The following EPSTI1 variants were observed in gnomAD, a reference collection of about 807,000 sequenced individuals.
EPSTI1 encodes the protein epithelial-stromal interaction protein 1.
A neutral mutation model predicts 49.9 loss-of-function variants in EPSTI1; 66 were observed. The ratio of observed to expected loss-of-function variants is 1.32; its 90% CI spans 1.08 to 1.62. EPSTI1 has a LOEUF of 1.62. EPSTI1 is among the 40% of genes most tolerant of loss of function. The pLI, the probability that EPSTI1 is intolerant of heterozygous loss-of-function variation, is 0.00. For synonymous variants in EPSTI1, 137 were observed against 130.7 expected, an observed-to-expected ratio of 1.05 and a Z score of -0.33; for missense variants, 394 against 365.5, an observed-to-expected ratio of 1.08 and a Z score of -0.64.
intron 5 of EPSTI1, among the ~76,000 whole-genome samples, chr13:42,960,516 T>A (rs978480107): frequency 6.6e-6 from 1 of 152,222 alleles, no homozygotes; most frequent in Non-Finnish European, 1.5e-5. Flanking sequence ...GAAAAGAAAT[T>A]AATGCATCAT....
intron 1 of EPSTI1, among the ~76,000 whole-genome samples, chr13:42,987,295 G>A (rs543464969): frequency 6.6e-6 from 1 of 152,060 alleles, no homozygotes; most frequent in Non-Finnish European, 1.5e-5. Context: ...TGAACTGTGG[G>A]ACACCTAGTT....
intron 9 of EPSTI1, 52 bp downstream of exon 9, chr13:42,900,258 T>G: frequency 6.6e-7 from 1 of 1,505,046 alleles, no homozygotes; most frequent in Non-Finnish European, 9.2e-7. Context: ...CTGTACAAAC[T>G]TTCTAGGTAA....
At chr13:42,919,351 AG>A in intron 7 of EPSTI1, 1 of 1,612,072 alleles carries the variant, frequency 6.2e-7, no homozygotes, top group South Asian at 1.1e-5. Context: ...AAATAATAGA[AG>A]GGAATAAATT....
At chr13:42,902,713 T>C (rs923788962) in intron 8 of EPSTI1, among the ~76,000 whole-genome samples, 17 of 152,216 alleles carry the variant, frequency 1.1e-4, no homozygotes, top group Non-Finnish European at 2.2e-4. Flanking sequence ...AAACAAAGTA[T>C]TATGTGATAA....
rs183220878 is a variant in EPSTI1 at position 42,951,789 on chromosome 13, T to C, written c.563+2159A>G. On this transcript the variant is annotated intron_variant, in intron 6 of 10. Transcript: ENST00000313624. Reference sequence around the variant, plus strand: ...GTGCCCAAGGCCCCTCACTGTTAAGTAGGTCTTCCCTCTTCCAATGTAAAA... The same window carrying C: ...GTGCCCAAGGCCCCTCACTGTTAAGCAGGTCTTCCCTCTTCCAATGTAAAA... Among the ~76,000 whole-genome samples, 26 of 152,336 alleles carry C rather than the reference T, an allele frequency of 1.7e-4. No individual in the cohort carries two copies. In the East Asian group the frequency reaches 4.2e-3, roughly 25 times the overall value.
At position 42,922,367 on chromosome 13, in the gene EPSTI1, T is replaced by C. The variant is rs185036940; in HGVS notation, c.657+3969A>G. Among the ~76,000 whole-genome samples, 138 of 152,162 alleles carry C rather than the reference T, an allele frequency of 9.1e-4. No individual in the cohort carries two copies. Among genetic ancestry groups the C allele is most frequent in the African/African-American group, 3.2e-3 (132 of 41,522 alleles). On this transcript the variant is annotated intron_variant, in intron 7 of 10. Transcript: ENST00000313624. This position sits in a 1 kb window ranked among gnomAD's most constrained non-coding sequence, Gnocchi z 4.8. ...AGCCTGGATAGTCCAGGTGGGCCCA[T>C]TGTAATCAAAAGGGTCATTATAAGA...
chr13:42,888,172 T>TA lies in EPSTI1; in HGVS notation c.*321dup. On this transcript the variant is annotated 3_prime_UTR_variant, in exon 11 of 11. Coordinates refer to ENST00000313624, the MANE Select transcript of EPSTI1 (RefSeq NM_033255.5). The stretch of plus-strand genomic sequence containing the variant: ...TAGAAAGACAAGCCTGTAGCACCCA[T>TA]AGCTCTGATTAACCTGAAAGCATCA... The TA allele has an allele frequency of 6.6e-7, 1 of 1,517,284 alleles. No individual in the cohort carries two copies. Among genetic ancestry groups the TA allele is most frequent in the Middle Eastern group, 1.9e-4 (1 of 5,286 alleles). 94.0% of individuals were successfully genotyped at this position (1,517,284 alleles called of 1,614,324 possible). A position where few individuals can be genotyped will look rare whatever the true frequency, so the allele number is the denominator to read the frequency against.
At chr13:42,917,650 A>AAAC in intron 7 of EPSTI1, 26 bp from the exon 8 acceptor site, 1 of 1,449,170 alleles carries the variant, frequency 6.9e-7, no homozygotes, top group South Asian at 1.2e-5. Context: ...GAGAAAAAAA[A>AAAC]AAAAAAAAAC....
chr13:42,953,910 G>A (rs979405810), intron 6 of EPSTI1, 38 bp downstream of exon 6: 4 of 1,543,634 alleles, frequency 2.6e-6, no homozygotes, highest in Non-Finnish European at 2.7e-6. Flanking sequence ...TGAACAATCT[G>A]CCTATAAAGG....
At chr13:42,975,677 T>C (rs561240412) in intron 1 of EPSTI1, among the ~76,000 whole-genome samples, 47 of 152,318 alleles carry the variant, frequency 3.1e-4, no homozygotes, top group African/African-American at 1.1e-3. Context: ...GATACATGGT[T>C]TGGTATGTAT....
intron 5 of EPSTI1, among the ~76,000 whole-genome samples, chr13:42,957,514 A>C (rs933838355): frequency 2.6e-5 from 4 of 152,232 alleles, no homozygotes; most frequent in African/African-American, 9.6e-5. Flanking sequence ...TCCCAGAGAC[A>C]TTCAGGAGGT....
At chr13:42,962,353 T>A (rs940482231) in intron 5 of EPSTI1, among the ~76,000 whole-genome samples, 2 of 152,160 alleles carry the variant, frequency 1.3e-5, no homozygotes, top group Non-Finnish European at 2.9e-5. Flanking sequence ...AGGGCCATAT[T>A]TTCAATGGGA....
intron 5 of EPSTI1, among the ~76,000 whole-genome samples, chr13:42,955,239 C>T (rs1475247776): frequency 6.6e-6 from 1 of 152,056 alleles, no homozygotes; most frequent in Non-Finnish European, 1.5e-5. Context: ...CAAAAGTGTT[C>T]AATTGTGATG....
At chr13:42,940,914 A>C (rs931727292) in intron 6 of EPSTI1, among the ~76,000 whole-genome samples, 4 of 152,064 alleles carry the variant, frequency 2.6e-5, no homozygotes, top group African/African-American at 9.7e-5. Flanking sequence ...TAATTTGCCA[A>C]TTTTTGAGTT....
intron 1 of EPSTI1, among the ~76,000 whole-genome samples, chr13:42,975,633 C>T (rs1052742327): frequency 6.6e-6 from 1 of 152,160 alleles, no homozygotes; most frequent in African/African-American, 2.4e-5. Context: ...AAAAAAAGTG[C>T]TGCTTCTTTC....
rs757464834 is a variant in EPSTI1, at chr13:42,953,943, C to G, written c.563+5G>C. 2 of 1,610,014 alleles carry G rather than the reference C, an allele frequency of 1.2e-6. No homozygotes were observed. Among genetic ancestry groups the G allele is most frequent in the East Asian group, 4.5e-5 (2 of 44,852 alleles). ...AGGCACGAAGTTCTGAAAACATTAA[C>G]TTACTATTGCTGATGCTCTCTAAAT... On this transcript the variant is annotated splice_donor_5th_base_variant and intron_variant, in intron 6 of 10. Transcript: ENST00000313624.
chr13:42,990,221 C>T (rs1006792532), intron 1 of EPSTI1, among the ~76,000 whole-genome samples: 8 of 150,196 alleles, frequency 5.3e-5, no homozygotes, highest in African/African-American at 2.0e-4. Context: ...TAACTAAACA[C>T]TTCCTGGTAT....
At chr13:42,982,422 A>G (rs932355065) in intron 1 of EPSTI1, among the ~76,000 whole-genome samples, 2 of 152,248 alleles carry the variant, frequency 1.3e-5, no homozygotes, top group African/African-American at 4.8e-5. Flanking sequence ...TGCTCTGCCT[A>G]TGGAGTAGTC....
At chr13:42,943,702 T>C (rs1463077500) in intron 6 of EPSTI1, among the ~76,000 whole-genome samples, 1 of 152,132 alleles carries the variant, frequency 6.6e-6, no homozygotes, top group Admixed American at 6.5e-5. Flanking sequence ...AATTATTAAT[T>C]GCATACAGAG....
Sources: gnomAD v4.1 joint callset for allele counts (sites outside exome capture counted in the v4.1 genomes callset) on GRCh38, gnomAD v4.1.1 for gene constraint, Gnocchi (gnomAD v3.1) non-coding constraint, MANE v1.5 for transcripts, NCBI Gene and HGNC (gene_info 2026-07-23, HGNC 2026-07-21) for gene names.